CPLX2: variants seen among roughly 807,000 people sequenced by gnomAD.
CPLX2 encodes the protein complexin-2.
Under a neutral mutation model 16.3 loss-of-function variants are expected in CPLX2, and 5 were observed. The ratio of observed to expected loss-of-function variants is 0.31; its 90% CI spans 0.16 to 0.64. The LOEUF is 0.64. Ranked by LOEUF, CPLX2 falls within the 30% of genes least tolerant of loss-of-function variation. The pLI is 0.79. For missense variants in CPLX2, 144 were observed against 181.4 expected, an observed-to-expected ratio of 0.79 and a Z score of 1.18; for synonymous variants, 89 against 73.2, an observed-to-expected ratio of 1.22 and a Z score of -1.10.
chr5:175,836,810 C>G (rs1261035436), intron 2 of CPLX2, among the ~76,000 whole-genome samples: 1 of 152,248 alleles, frequency 6.6e-6, no homozygotes, highest in Non-Finnish European at 1.5e-5. Flanking sequence ...GAAGCTCCAG[C>G]AGCCATCGTC....
intron 2 of CPLX2, among the ~76,000 whole-genome samples, chr5:175,823,323 AACAG>A (rs1411859707): frequency 1.3e-5 from 2 of 152,146 alleles, no homozygotes; most frequent in Non-Finnish European, 2.9e-5. Context: ...ATGGATGGAA[AACAG>A]ACAGCTGGAT....
At chr5:175,836,264 G>A (rs1036500594) in intron 2 of CPLX2, among the ~76,000 whole-genome samples, 4 of 152,102 alleles carry the variant, frequency 2.6e-5, no homozygotes, top group Non-Finnish European at 5.9e-5. Context: ...GCAGGAGAAT[G>A]GCATGAACCC....
Position 175,845,874 on chromosome 5 carries a change from T to C in CPLX2, c.-88-32778T>C, listed in dbSNP as rs999808972. 6.6e-6 allele frequency among the ~76,000 whole-genome samples: 1 copy of C among 152,060 alleles called. No individual in the cohort carries two copies. Among genetic ancestry groups the C allele is most frequent in the Non-Finnish European group, 1.5e-5 (1 of 67,992 alleles). ...GACTTTGAGGGAAACCCAGGATGGG[T>C]GGGCCTGGGTCCCAGGAAAGGGGAG... On this transcript the variant is annotated intron_variant, in intron 2 of 4. Transcript: ENST00000359546. This position sits in a 1 kb window ranked among gnomAD's most constrained non-coding sequence, Gnocchi z 4.0.
chr5:175,805,696 G>C (rs566029396), intron 1 of CPLX2: 13 of 152,632 alleles, frequency 8.5e-5, no homozygotes, highest in South Asian at 6.2e-4. Flanking sequence ...ACGTTGCCAA[G>C]GGGAGGGCTG....
intron 2 of CPLX2, among the ~76,000 whole-genome samples, chr5:175,841,249 C>CA (rs928487959): frequency 9.2e-5 from 14 of 152,314 alleles, no homozygotes; most frequent in African/African-American, 3.1e-4. Context: ...TACATCCCCC[C>CA]AAAACCTGCA....
chr5:175,807,750 C>T (rs972443332), intron 1 of CPLX2, among the ~76,000 whole-genome samples: 3 of 152,210 alleles, frequency 2.0e-5, no homozygotes, highest in Non-Finnish European at 4.4e-5. Context: ...CTGCTAAATG[C>T]CAGGCTCTGG....
At chr5:175,820,169 C>T (rs1055996778) in intron 2 of CPLX2, among the ~76,000 whole-genome samples, 2 of 152,342 alleles carry the variant, frequency 1.3e-5, no homozygotes, top group Middle Eastern at 3.4e-3. Flanking sequence ...GGACTGGTCA[C>T]GTCACCTCCC....
chr5:175,870,601 T>C (rs991057813), upstream of CPLX2, among the ~76,000 whole-genome samples: 1 of 130,680 alleles, frequency 7.7e-6, no homozygotes, highest in Non-Finnish European at 1.6e-5. Context: ...AAAAGGCTCA[T>C]TAGGTGAGAG....
intron 1 of CPLX2, among the ~76,000 whole-genome samples, chr5:175,807,070 GCA>G (rs1307126349): frequency 2.0e-5 from 3 of 152,190 alleles, no homozygotes; most frequent in Non-Finnish European, 4.4e-5. Context: ...CCAGTGCCCA[GCA>G]CAGAGGCACA....
intron 2 of CPLX2, among the ~76,000 whole-genome samples, chr5:175,865,423 A>G (rs1176665446): frequency 6.6e-6 from 1 of 152,202 alleles, no homozygotes; most frequent in Non-Finnish European, 1.5e-5. Context: ...TCACAAATGT[A>G]GGCGACACCA....
At chr5:175,811,578 T>C (rs774868269) in intron 2 of CPLX2, among the ~76,000 whole-genome samples, 5 of 152,044 alleles carry the variant, frequency 3.3e-5, no homozygotes, top group Non-Finnish European at 5.9e-5. Flanking sequence ...TGACTTGGCT[T>C]GAATTGACTT....
chr5:175,849,904 T>C lies in CPLX2; in HGVS notation c.-88-28748T>C, dbSNP rs1759117536. Among the ~76,000 whole-genome samples, 1 of 152,180 alleles carries C rather than the reference T, an allele frequency of 6.6e-6. No individual in the cohort carries two copies. The highest frequency in any genetic ancestry group is 1.5e-5 in the Non-Finnish European group (1 of 68,038). On this transcript the variant is annotated intron_variant, in intron 2 of 4. Coordinates refer to the CPLX2 transcript ENST00000359546. This position sits in a 1 kb window ranked among gnomAD's most constrained non-coding sequence, Gnocchi z 4.4. ...TCAAATATTAATGGAATTGTCCCTTTGGGGGAACGACCGTGTGACTCTGAG... is the reference window on the plus strand; with the variant it reads ...TCAAATATTAATGGAATTGTCCCTTCGGGGGAACGACCGTGTGACTCTGAG...
chr5:175,873,164 A>T (rs1315427672), intron 1 of CPLX2: 1 of 146,550 alleles, frequency 6.8e-6, no homozygotes, highest in African/African-American at 2.5e-5. Context: ...GGCTTCCCGC[A>T]GAATCGCTAA....
At chr5:175,874,849 C>T (rs181093705) in intron 1 of CPLX2, among the ~76,000 whole-genome samples, 1 of 151,980 alleles carries the variant, frequency 6.6e-6, no homozygotes, top group Admixed American at 6.5e-5. Context: ...ACCATCTTCA[C>T]TTTAAAGGAA....
chr5:175,798,275 C>T (rs1326468611), intron 1 of CPLX2, among the ~76,000 whole-genome samples: 3 of 152,170 alleles, frequency 2.0e-5, no homozygotes, highest in Non-Finnish European at 4.4e-5. Context: ...ATGTAATGAG[C>T]TTAGTGGCAC....
At chr5:175,799,539 C>CATATATATATTTATATTT (rs1227041477) in intron 1 of CPLX2, among the ~76,000 whole-genome samples, 3 of 72,276 alleles carry the variant, frequency 4.2e-5, no homozygotes, top group African/African-American at 1.7e-4. Context: ...TTGCAAATTT[C>CATATATATATTTATATTT]ATATATATAT....
intron 1 of CPLX2, among the ~76,000 whole-genome samples, chr5:175,797,760 G>A (rs3860773): frequency 1.3e-5 from 2 of 152,198 alleles, no homozygotes; most frequent in East Asian, 1.9e-4. Context: ...GAGAAGGCAG[G>A]GGGGAGGGGG....
chr5:175,824,851 A>C (rs1758581870), intron 2 of CPLX2, among the ~76,000 whole-genome samples: 1 of 152,192 alleles, frequency 6.6e-6, no homozygotes. Context: ...AGGTGTGTCC[A>C]ACCGACCGTG....
rs1275296940 is a variant in CPLX2 at position 175,830,690 on chromosome 5, C to CAG, written c.-89+21623_-89+21624dup. On this transcript the variant is annotated intron_variant, in intron 2 of 4. Transcript: ENST00000359546. This position sits in a 1 kb window ranked among gnomAD's most constrained non-coding sequence, Gnocchi z 4.0. ...TCACTCCCCAGAGCTTTCCTGGAAA[C>CAG]AGCAGGAAGCTATTTTTAAAGCAGC... Among the ~76,000 whole-genome samples, 1 of 152,222 alleles carries CAG rather than the reference C, an allele frequency of 6.6e-6. No individual in the cohort carries two copies. Among genetic ancestry groups the CAG allele is most frequent in the Non-Finnish European group, 1.5e-5 (1 of 68,034 alleles).
Sources: gnomAD v4.1 joint callset for allele counts (sites outside exome capture counted in the v4.1 genomes callset) on GRCh38, gnomAD v4.1.1 for gene constraint, Gnocchi (gnomAD v3.1) non-coding constraint, MANE v1.5 for transcripts, NCBI Gene and HGNC (gene_info 2026-07-23, HGNC 2026-07-21) for gene names.